CDC14C: variants seen among roughly 807,000 people sequenced by gnomAD.
The protein encoded by CDC14C is cell division cycle 14C.
CDC14C carries 19 observed loss-of-function variants against 26.9 expected under a neutral mutation model. The ratio of observed to expected loss-of-function variants is 0.71; its 90% CI spans 0.49 to 1.04. The LOEUF (loss-of-function observed/expected upper bound fraction) is 1.04. Ranked by LOEUF, CDC14C falls within the 50% of genes least tolerant of loss-of-function variation. The probability of loss-of-function intolerance (pLI) is 0.00; values close to 1 mark genes in which losing one functional copy is unlikely to be tolerated. For missense variants in CDC14C, 423 were observed against 520.0 expected (o/e 0.81, Z 1.81); for synonymous variants, 185 against 180.1 (o/e 1.03, Z -0.22).
In CDC14C at chr7:48,925,492, G is replaced by T. The variant is rs1453126393; in HGVS notation, c.820G>T (p.Glu274Ter). 6.2e-7 allele frequency: 1 copy of T among 1,602,464 alleles called. No homozygotes were observed. Among genetic ancestry groups the T allele is most frequent in the Non-Finnish European group, 8.5e-7 (1 of 1,170,138 alleles). Residue 274 changes from glutamate to a stop codon, truncating the protein, a stop_gained, in exon 1 of 1, where the codon GAA (glutamate) becomes TAA (stop). Coordinates refer to ENST00000650262, the MANE Select transcript of CDC14C (RefSeq NM_152627.3). LOFTEE classifies it high-confidence loss of function. The part of the protein sequence containing the change: ...AIVKRFLDIC[E>*]NAEGAIAVHC... ...TGTCAAAAGATTTCTGGATATCTGTGAAAATGCTGAGGGTGCCATTGCAGT... is the reference window on the plus strand; with the variant it reads ...TGTCAAAAGATTTCTGGATATCTGTTAAAATGCTGAGGGTGCCATTGCAGT...
In CDC14C at chr7:48,925,248, C is replaced by G. The variant is rs751805670; in HGVS notation, c.576C>G (p.Asp192Glu). The G allele has an allele frequency of 3.7e-6, 6 of 1,607,602 alleles. No individual in the cohort carries two copies. In the East Asian group the frequency reaches 1.3e-4, roughly 36 times the overall value. ...ENGDLNWIIPDRFIAFCGPHS... is the reference protein window; with the variant it reads ...ENGDLNWIIPERFIAFCGPHS... ...GAGATTTAAATTGGATAATACCAGA[C>G]CGATTTATTGCCTTCTGTGGACCTC... is the stretch of plus-strand genomic sequence containing the variant. The change falls in exon 1 of 1, where the codon GAC (aspartate) becomes GAG (glutamate). Residue 192 changes from aspartate to glutamate, a missense_variant. By Grantham distance (45) the Asp-to-Glu change is conservative. Coordinates refer to ENST00000650262, the MANE Select transcript of CDC14C (RefSeq NM_152627.3).
chr7:48,925,706 G>C lies in CDC14C; in HGVS notation c.1034G>C (p.Arg345Pro). ...CTCTGGCTGGAAGGGGACTATTTTC[G>C]TCAGAGGTTAAAGGGGCAGGAGAAT... The part of the protein sequence containing the change: ...TSLWLEGDYF[R>P]QRLKGQENGQ... Residue 345 changes from arginine to proline, a missense_variant, in exon 1 of 1, where the codon CGT becomes CCT. By Grantham distance (103) the Arg-to-Pro change is moderately radical. This residue lies in a region of CDC14C where 91 missense variants were observed against 94.2 expected (regional missense o/e 0.97). Transcript: ENST00000650262. 1 of 1,221,868 alleles carries C rather than the reference G, an allele frequency of 8.2e-7. No individual in the cohort carries two copies. The highest frequency in any genetic ancestry group is 1.2e-6 in the Non-Finnish European group (1 of 821,864). The allele number at this position is 1,221,868 out of a possible 1,614,324, so 75.7% of individuals were successfully genotyped here.
rs751910573 is a variant in CDC14C, at chr7:48,924,871, G to A, written c.199G>A (p.Val67Ile). ...CTTTGGACCACTCAATCTGGCAATG[G>A]TTTACAGATATTGTTGCAAGATAAA... Reference protein sequence around the residue: ...EDFGPLNLAMVYRYCCKINKK... With the variant: ...EDFGPLNLAMIYRYCCKINKK... Residue 67 changes from valine (V) to isoleucine (I), a missense_variant, in exon 1 of 1, where the codon GTT becomes ATT. Coordinates refer to ENST00000650262, the MANE Select transcript of CDC14C (RefSeq NM_152627.3). 6.1e-6 allele frequency: 9 copies of A among 1,465,206 alleles called. No individual in the cohort carries two copies. Among genetic ancestry groups the A allele is most frequent in the Non-Finnish European group, 7.7e-6 (8 of 1,044,304 alleles). 90.8% of individuals were successfully genotyped at this position (1,465,206 alleles called of 1,614,324 possible).
At position 48,927,001 on chromosome 7, in the gene CDC14C, T is replaced by C. The variant is rs1456675410; in HGVS notation, c.*985T>C. ...AGAAGAATTGAGGATCTGATGGAGGTTTTTTAATGTATTTATTTTCTGTTC... is the reference window on the plus strand; with the variant it reads ...AGAAGAATTGAGGATCTGATGGAGGCTTTTTAATGTATTTATTTTCTGTTC... On this transcript the variant is annotated 3_prime_UTR_variant, in exon 1 of 1. Coordinates refer to ENST00000650262, the MANE Select transcript of CDC14C (RefSeq NM_152627.3). Among the ~76,000 whole-genome samples, 1 of 151,670 alleles carries C rather than the reference T, an allele frequency of 6.6e-6. No homozygotes were observed. The highest frequency in any genetic ancestry group is 1.5e-5 in the Non-Finnish European group (1 of 67,934).
chr7:48,924,798 T>G lies in CDC14C; in HGVS notation c.126T>G (p.His42Gln). 7.4e-7 allele frequency: 1 copy of G among 1,355,216 alleles called. No homozygotes were observed. Among genetic ancestry groups the G allele is most frequent in the African/African-American group, 1.4e-5 (1 of 69,996 alleles). 83.9% of individuals were successfully genotyped at this position (1,355,216 alleles called of 1,614,324 possible). A position where few individuals can be genotyped will look rare whatever the true frequency, so the allele number is the denominator to read the frequency against. Residue 42 changes from histidine to glutamine, a missense_variant, in exon 1 of 1, where the codon CAT becomes CAG. Coordinates refer to ENST00000650262, the MANE Select transcript of CDC14C (RefSeq NM_152627.3). Reference protein sequence around the residue: ...YSRPKSASNVHYFSIDNELEY... With the variant: ...YSRPKSASNVQYFSIDNELEY... ...GACCAAAGAGTGCATCAAATGTACA[T>G]TATTTCAGCATAGATAATGAACTCG...
Position 48,926,128 on chromosome 7 carries a change from T to A in CDC14C, c.*112T>A. On this transcript the variant is annotated 3_prime_UTR_variant, in exon 1 of 1. Transcript: ENST00000650262. ...TTAAGTAAAAACCTGTGACCAGAAC[T>A]GAAGGAAGACTCTAGGAACTGAAAA... 2.9e-6 allele frequency: 2 copies of A among 678,726 alleles called. No individual in the cohort carries two copies. The highest frequency in any genetic ancestry group is 5.5e-6 in the Non-Finnish European group (2 of 365,284). 42.0% of individuals were successfully genotyped at this position (678,726 alleles called of 1,614,324 possible).
In CDC14C at chr7:48,926,885, AAATAC is replaced by A; in HGVS notation, c.*870_*874del. ...CTGTTGTAAATTTAGTCTCAGGTGT[AAATAC>A]CCAAGCCCTCTGGTACTCAGGGAGC... On this transcript the variant is annotated 3_prime_UTR_variant, in exon 1 of 1. Coordinates refer to ENST00000650262, the MANE Select transcript of CDC14C (RefSeq NM_152627.3). Among the ~76,000 whole-genome samples, 1 of 152,280 alleles carries A rather than the reference AAATAC, an allele frequency of 6.6e-6. No homozygotes were observed. Among genetic ancestry groups the A allele is most frequent in the African/African-American group, 2.4e-5 (1 of 41,552 alleles).
At position 48,925,991 on chromosome 7, in the gene CDC14C, A is replaced by G. The variant is rs553967809; in HGVS notation, c.1319A>G (p.Tyr440Cys). Reference protein sequence around the residue: ...SVVIWWIVCDYILPILLF With the variant: ...SVVIWWIVCDCILPILLF ...GTCATCTGGTGGATTGTTTGTGACT[A>G]CATTCTTCCCATCCTGCTATTCTGA... The change falls in exon 1 of 1, where the codon TAC (tyrosine) becomes TGC (cysteine). Residue 440 changes from tyrosine (Y) to cysteine (C), a missense_variant. By Grantham distance (194) the Tyr-to-Cys change is radical. This residue lies in a region of CDC14C where 91 missense variants were observed against 94.2 expected (regional missense o/e 0.97). Coordinates refer to ENST00000650262, the MANE Select transcript of CDC14C (RefSeq NM_152627.3). The G allele has an allele frequency of 1.1e-5, 8 of 752,402 alleles. No individual in the cohort carries two copies. The highest frequency in any genetic ancestry group is 1.5e-5 in the Non-Finnish European group (6 of 403,076). 46.6% of individuals were successfully genotyped at this position (752,402 alleles called of 1,614,324 possible). A position where few individuals can be genotyped will look rare whatever the true frequency, so the allele number is the denominator to read the frequency against.
chr7:48,925,243 C>T lies in CDC14C; in HGVS notation c.571C>T (p.Pro191Ser), dbSNP rs780182575. Residue 191 changes from proline to serine, a missense_variant, in exon 1 of 1, where the codon CCA becomes TCA. By Grantham distance (74) the Pro-to-Ser change is moderately conservative (BLOSUM62 -1). Coordinates refer to ENST00000650262, the MANE Select transcript of CDC14C (RefSeq NM_152627.3). The stretch of plus-strand genomic sequence containing the variant: ...AAACGGAGATTTAAATTGGATAATA[C>T]CAGACCGATTTATTGCCTTCTGTGG... Reference protein sequence around the residue: ...AENGDLNWIIPDRFIAFCGPH... With the variant: ...AENGDLNWIISDRFIAFCGPH... 46 of 1,606,952 alleles carry T rather than the reference C, an allele frequency of 2.9e-5. No homozygotes were observed. The highest frequency in any genetic ancestry group is 3.3e-5 in the Non-Finnish European group (39 of 1,173,590).
Position 48,926,392 on chromosome 7 carries a change from G to C in CDC14C, c.*376G>C, listed in dbSNP as rs1237070027. On this transcript the variant is annotated 3_prime_UTR_variant, in exon 1 of 1. Coordinates refer to ENST00000650262, the MANE Select transcript of CDC14C (RefSeq NM_152627.3). ...ACAGAGGTGTAAAGTGGGAAATCAGGGGTCTCACAGCCTTCAGAGCTGAGA... is the reference window on the plus strand; with the variant it reads ...ACAGAGGTGTAAAGTGGGAAATCAGCGGTCTCACAGCCTTCAGAGCTGAGA... Among the ~76,000 whole-genome samples, 2 of 150,930 alleles carry C rather than the reference G, an allele frequency of 1.3e-5. No individual in the cohort carries two copies. Among genetic ancestry groups the C allele is most frequent in the Non-Finnish European group, 2.9e-5 (2 of 67,828 alleles).
In CDC14C at chr7:48,925,155, G is replaced by A. The variant is rs61731347; in HGVS notation, c.483G>A (p.Gln161=). The A allele has an allele frequency of 0.18, 274,932 of 1,516,328 alleles. 27,388 individuals are homozygous for A. The highest frequency in any genetic ancestry group is 0.38 in the East Asian group (16,925 of 44,198). The allele number at this position is 1,516,328 out of a possible 1,614,324, so 93.9% of individuals were successfully genotyped here. A position where few individuals can be genotyped will look rare whatever the true frequency, so the allele number is the denominator to read the frequency against. ...TTCATGCAGTAAAGAAGGCAATGCAGTATGGCTTCCTTAATTTCAACTCAT... is the reference window on the plus strand; with the variant it reads ...TTCATGCAGTAAAGAAGGCAATGCAATATGGCTTCCTTAATTTCAACTCAT... The part of the protein sequence containing the change: ...DCFHAVKKAM[Q]YGFLNFNSFN... Residue 161 remains glutamine, a synonymous_variant, in exon 1 of 1, where the codon CAG becomes CAA. Transcript: ENST00000650262.
At position 48,925,044 on chromosome 7, in the gene CDC14C, A is replaced by G. The variant is rs766072661; in HGVS notation, c.372A>G (p.Ile124Met). Reference sequence around the variant, plus strand: ...GAACCCCAGAAGCAGCATATAGAATATTAATCTTTGGAGATACACCCTATA... The same window carrying G: ...GAACCCCAGAAGCAGCATATAGAATGTTAATCTTTGGAGATACACCCTATA... Reference protein sequence around the residue: ...LGRTPEAAYRILIFGDTPYIP... With the variant: ...LGRTPEAAYRMLIFGDTPYIP... The change falls in exon 1 of 1, where the codon ATA (isoleucine) becomes ATG (methionine). Residue 124 changes from isoleucine (I) to methionine (M), a missense_variant. Physicochemically the swap from Ile to Met is conservative, Grantham distance 10 (BLOSUM62 1). Around this residue, in one of 3 missense-constraint regions of CDC14C, gnomAD observed 310 missense variants for 356.8 expected, o/e 0.87. Transcript: ENST00000650262. The G allele has an allele frequency of 6.9e-7, 1 of 1,458,554 alleles. No homozygotes were observed. Among genetic ancestry groups the G allele is most frequent in the Non-Finnish European group, 9.6e-7 (1 of 1,038,392 alleles). 90.4% of individuals were successfully genotyped at this position (1,458,554 alleles called of 1,614,324 possible).
rs1275770492 is a variant in CDC14C, at chr7:48,927,416, G to T, written c.*1400G>T. Among the ~76,000 whole-genome samples the T allele has an allele frequency of 2.6e-5, 4 of 151,992 alleles. No individual in the cohort carries two copies. The highest frequency in any genetic ancestry group is 5.9e-5 in the Non-Finnish European group (4 of 68,014). ...CTGGGAGGTTGCCCATTGTTTGGTT[G>T]CCAGTCATACAAATTAAAATCATAT... On this transcript the variant is annotated 3_prime_UTR_variant, in exon 1 of 1. Transcript: ENST00000650262.
In CDC14C at chr7:48,926,088, T is replaced by C; in HGVS notation, c.*72T>C. 1.4e-6 allele frequency: 1 copy of C among 719,860 alleles called. No homozygotes were observed. The highest frequency in any genetic ancestry group is 1.5e-5 in the South Asian group (1 of 68,308). The allele number at this position is 719,860 out of a possible 1,614,324, so 44.6% of individuals were successfully genotyped here. A position where few individuals can be genotyped will look rare whatever the true frequency, so the allele number is the denominator to read the frequency against. ...AGCTGCTTCTCTCCATTTCAAGGAC[T>C]AAAATGGTTTTGCATTAAGTAAAAA... On this transcript the variant is annotated 3_prime_UTR_variant, in exon 1 of 1. Coordinates refer to ENST00000650262, the MANE Select transcript of CDC14C (RefSeq NM_152627.3).
rs1041810035 is a variant in CDC14C, at chr7:48,927,450, A to G, written c.*1434A>G. 6.6e-6 allele frequency among the ~76,000 whole-genome samples: 1 copy of G among 152,076 alleles called. No homozygotes were observed. The highest frequency in any genetic ancestry group is 1.9e-4 in the East Asian group (1 of 5,174). On this transcript the variant is annotated 3_prime_UTR_variant, in exon 1 of 1. Coordinates refer to ENST00000650262, the MANE Select transcript of CDC14C (RefSeq NM_152627.3). ...ACAAATTAAAATCATATTTCCTTCC[A>G]TGCATGGAAAAAACACACTATTGGT...
rs1421632029 is a variant in CDC14C at position 48,927,359 on chromosome 7, A to C, written c.*1343A>C. ...TCAGAGCTGGAAGATGTTGCAAGTCATTCCTTTTTCTGTCCTTTAGGGACT... is the reference window on the plus strand; with the variant it reads ...TCAGAGCTGGAAGATGTTGCAAGTCCTTCCTTTTTCTGTCCTTTAGGGACT... On this transcript the variant is annotated 3_prime_UTR_variant, in exon 1 of 1. Transcript: ENST00000650262. 6.6e-6 allele frequency among the ~76,000 whole-genome samples: 1 copy of C among 152,228 alleles called. No individual in the cohort carries two copies. The highest frequency in any genetic ancestry group is 1.5e-5 in the Non-Finnish European group (1 of 68,052).
In CDC14C at chr7:48,926,571, G is replaced by A. The variant is rs527719162; in HGVS notation, c.*555G>A. On this transcript the variant is annotated 3_prime_UTR_variant, in exon 1 of 1. Coordinates refer to ENST00000650262, the MANE Select transcript of CDC14C (RefSeq NM_152627.3). Reference sequence around the variant, plus strand: ...AGGTTGGGCTAGTTAACTGCGGCAGGAGCACGTCCTTAAGGCACAGATGGC... The same window carrying A: ...AGGTTGGGCTAGTTAACTGCGGCAGAAGCACGTCCTTAAGGCACAGATGGC... 5.3e-5 allele frequency among the ~76,000 whole-genome samples: 8 copies of A among 152,236 alleles called. No individual in the cohort carries two copies. The South Asian group carries it at 1.2e-3, about 24-fold the overall frequency.
rs773672450 is a variant in CDC14C, at chr7:48,925,820, C to T, written c.1148C>T (p.Pro383Leu). 1.2e-6 allele frequency: 1 copy of T among 808,968 alleles called. No individual in the cohort carries two copies. The highest frequency in any genetic ancestry group is 2.2e-6 in the Non-Finnish European group (1 of 452,048). The allele number at this position is 808,968 out of a possible 1,614,324, so 50.1% of individuals were successfully genotyped here. ...GTCGAGAATCAAGACCAGCAAGAAC[C>T]CAAACCTTACAGTGATGACGACGAA... ...NGVENQDQQE[P>L]KPYSDDDEIN... The change falls in exon 1 of 1, where the codon CCC (proline) becomes CTC (leucine). Residue 383 changes from proline to leucine, a missense_variant. Physicochemically the swap from Pro to Leu is moderately conservative, Grantham distance 98 (BLOSUM62 -3). Transcript: ENST00000650262.
rs1423271931 is a variant in CDC14C, at chr7:48,926,005, C to T, written c.1333C>T (p.Leu445=). The T allele has an allele frequency of 8.0e-6, 6 of 749,792 alleles. No homozygotes were observed. Among genetic ancestry groups the T allele is most frequent in the African/African-American group, 1.7e-5 (1 of 58,398 alleles). The allele number at this position is 749,792 out of a possible 1,614,324, so 46.4% of individuals were successfully genotyped here. A position where few individuals can be genotyped will look rare whatever the true frequency, so the allele number is the denominator to read the frequency against. Residue 445 remains leucine (L), a synonymous_variant, in exon 1 of 1, where the codon CTG becomes TTG. Transcript: ENST00000650262. Reference sequence around the variant, plus strand: ...TGTTTGTGACTACATTCTTCCCATCCTGCTATTCTGACTCAAAGATTTCAG... The same window carrying T: ...TGTTTGTGACTACATTCTTCCCATCTTGCTATTCTGACTCAAAGATTTCAG... ...WIVCDYILPI[L]LF
Sources: allele counts gnomAD v4.1 joint callset (sites outside exome capture counted in the v4.1 genomes callset), GRCh38; gene constraint gnomAD v4.1.1; regional missense constraint gnomAD v4.1.1; transcripts MANE v1.5; gene names NCBI Gene and HGNC (gene_info 2026-07-23, HGNC 2026-07-21).